DTNB: variants seen among roughly 807,000 people sequenced by gnomAD.
DTNB encodes DTN-B.
DTNB carries 63 observed loss-of-function variants against 90.7 expected under a neutral mutation model. The ratio of observed to expected loss-of-function variants is 0.69; its 90% CI spans 0.57 to 0.86. DTNB has a LOEUF of 0.86. Among genes scored for constraint, DTNB ranks in the 40% least tolerant of loss-of-function variants. DTNB has a pLI of 0.00. For missense variants in DTNB, 744 were observed against 807.1 expected (o/e 0.92, Z 0.95); for synonymous variants, 277 against 286.7 (o/e 0.97, Z 0.34).
At chr2:25,563,493 A>G (rs565173493) in intron 8 of DTNB, among the ~76,000 whole-genome samples, 24 of 152,046 alleles carry the variant, frequency 1.6e-4, no homozygotes, top group Admixed American at 3.9e-4. Context: ...TTGTTGCTTG[A>G]GCTTTTGGTA....
chr2:25,419,391 G>A (rs1027505933), intron 16 of DTNB, 124 bp downstream of exon 16: 50 of 1,443,492 alleles, frequency 3.5e-5, no homozygotes, highest in Non-Finnish European at 4.6e-5. Flanking sequence ...AACCGCTGGG[G>A]GTTTTACACA....
chr2:25,548,535 T>A (rs1025403999), intron 8 of DTNB, among the ~76,000 whole-genome samples: 1 of 152,098 alleles, frequency 6.6e-6, no homozygotes. Context: ...GAATGGGCTC[T>A]CCAAGCAAAA....
chr2:25,655,587 A>G (rs996197602), intron 1 of DTNB, among the ~76,000 whole-genome samples: 3 of 152,200 alleles, frequency 2.0e-5, no homozygotes, highest in African/African-American at 7.2e-5. Context: ...TTAATGTTCC[A>G]AAAAGGGCAT....
intron 8 of DTNB, among the ~76,000 whole-genome samples, chr2:25,538,817 G>T (rs1394300588): frequency 6.6e-6 from 1 of 152,050 alleles, no homozygotes; most frequent in African/African-American, 2.4e-5. Context: ...CTGTGAAATA[G>T]AACATTAGTC....
At chr2:25,575,243 CAA>C (rs962235111) in intron 8 of DTNB, among the ~76,000 whole-genome samples, 3 of 139,762 alleles carry the variant, frequency 2.1e-5, no homozygotes, top group African/African-American at 2.8e-5. Context: ...CACACACACA[CAA>C]AAAAAAAAAA....
intron 9 of DTNB, among the ~76,000 whole-genome samples, chr2:25,514,787 G>C (rs762342062): frequency 6.8e-6 from 1 of 146,612 alleles, no homozygotes; most frequent in African/African-American, 2.5e-5. Flanking sequence ...GAATTCAAGC[G>C]ATTCTTGTGC....
chr2:25,429,581 G>A (rs1326276978), intron 14 of DTNB, among the ~76,000 whole-genome samples: 1 of 152,208 alleles, frequency 6.6e-6, no homozygotes, highest in Non-Finnish European at 1.5e-5. Context: ...AGTAATTAGT[G>A]CTCCTCAGTG....
chr2:25,614,966 C>G (rs1176810705), intron 4 of DTNB, among the ~76,000 whole-genome samples: 1 of 152,168 alleles, frequency 6.6e-6, no homozygotes, highest in Non-Finnish European at 1.5e-5. Flanking sequence ...GGCTCATTCC[C>G]GCAAGACTGC....
At chr2:25,516,627 C>T (rs907423000) in intron 9 of DTNB, among the ~76,000 whole-genome samples, 4 of 151,936 alleles carry the variant, frequency 2.6e-5, no homozygotes, top group Non-Finnish European at 4.4e-5. Context: ...TGGTGGCTCA[C>T]GCCTGTAATC....
intron 12 of DTNB, among the ~76,000 whole-genome samples, chr2:25,443,710 C>T (rs745907018): frequency 7.9e-5 from 12 of 152,190 alleles, no homozygotes; most frequent in Non-Finnish European, 1.5e-5. Flanking sequence ...CCAAGCTCAC[C>T]GTAAATCAGA....
chr2:25,507,978 T>A (rs1284241229), intron 9 of DTNB, among the ~76,000 whole-genome samples: 2 of 152,172 alleles, frequency 1.3e-5, no homozygotes, highest in Non-Finnish European at 2.9e-5. Context: ...GGTAACTCCA[T>A]CACCTCCTTC....
At chr2:25,591,900 C>G (rs2063633887) in intron 6 of DTNB, among the ~76,000 whole-genome samples, 1 of 151,320 alleles carries the variant, frequency 6.6e-6, no homozygotes, top group Non-Finnish European at 1.5e-5. Context: ...ATCTCTACTA[C>G]AAATACAAAA....
chr2:25,519,976 G>C (rs777404838), intron 9 of DTNB, among the ~76,000 whole-genome samples: 2 of 152,136 alleles, frequency 1.3e-5, no homozygotes, highest in African/African-American at 2.4e-5. Flanking sequence ...TACTGTGGAA[G>C]ACAGTGTTTC....
intron 16 of DTNB, among the ~76,000 whole-genome samples, chr2:25,405,872 G>A (rs945349689): frequency 1.3e-5 from 2 of 152,142 alleles, no homozygotes; most frequent in African/African-American, 4.8e-5. Context: ...GGCACAGAGG[G>A]ACTGAGAAAC....
At chr2:25,634,283 G>A (rs1573785078) in intron 3 of DTNB, among the ~76,000 whole-genome samples, 1 of 137,852 alleles carries the variant, frequency 7.3e-6, no homozygotes, top group East Asian at 2.5e-4. Context: ...CGGGAGGGAG[G>A]TGGGGGGGTC....
At position 25,596,137 on chromosome 2, in the gene DTNB, C is replaced by T. The variant is rs2064573698; in HGVS notation, c.552G>A (p.Gly184=). 6.2e-7 allele frequency: 1 copy of T among 1,613,090 alleles called. No individual in the cohort carries two copies. Among genetic ancestry groups the T allele is most frequent in the Non-Finnish European group, 8.5e-7 (1 of 1,179,492 alleles). ...AGTGCTCTGTGTAACCAAAAGATGG[C>T]CCTTCAAAGACAGCTGTTGGGAGCT... is the stretch of plus-strand genomic sequence containing the variant. ...VLKLPTAVFE[G]PSFGYTEHSV... is the part of the protein sequence containing the mutation. Residue 184 remains glycine, a synonymous_variant, in exon 6 of 21, where the codon GGG becomes GGA. Coordinates refer to ENST00000406818, the MANE Select transcript of DTNB (RefSeq NM_021907.5).
At chr2:25,437,010 A>C (rs1347288065) in intron 12 of DTNB, among the ~76,000 whole-genome samples, 1 of 152,172 alleles carries the variant, frequency 6.6e-6, no homozygotes, top group African/African-American at 2.4e-5. Flanking sequence ...TTAATATAGG[A>C]ATCAAGTCAT....
rs140312766 is a variant in DTNB, at chr2:25,509,974, C to T, written c.1001+21499G>A. Among the ~76,000 whole-genome samples the T allele has an allele frequency of 7.0e-3, 1,058 of 152,030 alleles. 13 individuals carry two copies. Among genetic ancestry groups the T allele is most frequent in the African/African-American group, 0.022 (924 of 41,468 alleles). ...CCATGTTGGCCAGCCTGGTCTCGAACGCCTGACCTCAAGTGATCTGCCCAC... is the reference window on the plus strand; with the variant it reads ...CCATGTTGGCCAGCCTGGTCTCGAATGCCTGACCTCAAGTGATCTGCCCAC... On this transcript the variant is annotated intron_variant, in intron 9 of 20. Transcript: ENST00000406818.
chr2:25,451,768 T>C (rs2059326096), intron 11 of DTNB, 133 bp from the exon 12 acceptor site: 2 of 803,926 alleles, frequency 2.5e-6, no homozygotes, highest in South Asian at 3.9e-5. Flanking sequence ...GGGTCATAGA[T>C]ACTAATGGTC....
Sources: allele counts gnomAD v4.1 joint callset (sites outside exome capture counted in the v4.1 genomes callset), GRCh38; gene constraint gnomAD v4.1.1; transcripts MANE v1.5; gene names NCBI Gene and HGNC (gene_info 2026-07-23, HGNC 2026-07-21).